The following BRWD3 variants were observed in gnomAD, a reference collection of about 807,000 sequenced individuals.
BRWD3 encodes bromodomain and WD repeat-containing protein 3.
In BRWD3, 10 loss-of-function variants were observed where a neutral mutation model predicts 149.7. The observed-to-expected ratio is 0.07, with a 90% CI of 0.04 to 0.11. The LOEUF is 0.11. Ranked by LOEUF, BRWD3 falls within the 10% of genes least tolerant of loss-of-function variation. The pLI, the probability that BRWD3 is intolerant of heterozygous loss-of-function variation, is 1.00. For missense variants in BRWD3, 940 were observed against 1,373.2 expected, an observed-to-expected ratio of 0.68 and a Z score of 4.99; for synonymous variants, 504 against 456.7, an observed-to-expected ratio of 1.10 and a Z score of -1.32.
intron 33 of BRWD3, among the ~76,000 whole-genome samples, chrX:80,688,652 T>C (rs756310556): frequency 1.5e-3 from 161 of 110,745 alleles, no homozygotes; most frequent in African/African-American, 5.0e-3. Context: ...TAATATGTAG[T>C]AGAAAATAAA....
intron 6 of BRWD3, among the ~76,000 whole-genome samples, chrX:80,776,519 C>T (rs1373340454): frequency 9.0e-6 from 1 of 111,343 alleles, no homozygotes; most frequent in African/African-American, 3.3e-5. Context: ...GTTAAAGAGT[C>T]AAAATCTATC....
rs2072310716 is a variant in BRWD3 at position 80,670,012 on chromosome X, TAAAA to T, written c.*6593_*6596del. On this transcript the variant is annotated 3_prime_UTR_variant, in exon 41 of 41. Transcript: ENST00000373275. Reference sequence around the variant, plus strand: ...GTTAAAACTAGATGTCTAGAATAATTAAAATTATAAGATTTTATAATTATAATTA... The same window carrying T: ...GTTAAAACTAGATGTCTAGAATAATTTTATAAGATTTTATAATTATAATTA... 9.0e-6 allele frequency among the ~76,000 whole-genome samples: 1 copy of T among 110,975 alleles called. No individual in the cohort carries two copies. Among genetic ancestry groups the T allele is most frequent in the Non-Finnish European group, 1.9e-5 (1 of 52,908 alleles).
At position 80,677,142 on chromosome X, in the gene BRWD3, C is replaced by T; in HGVS notation, c.4876G>A (p.Glu1626Lys). The change falls in exon 41 of 41, where the codon GAA becomes AAA. Residue 1626 changes from glutamate to lysine, a missense_variant. Glu to Lys is a moderately conservative substitution (Grantham distance 56). This residue lies in a region of BRWD3 where 349 missense variants were observed against 419.6 expected (regional missense o/e 0.83). Coordinates refer to ENST00000373275, the MANE Select transcript of BRWD3 (RefSeq NM_153252.5). ...ESTCGSDSDS[E>K]STSRTDQDYV... ...TCTTGATCTGTTCTGGAAGTTGATT[C>T]AGAGTCAGAGTCAGAACCACAGGTA... The T allele has an allele frequency of 8.3e-7, 1 of 1,211,410 alleles. No homozygotes were observed. Among genetic ancestry groups the T allele is most frequent in the Non-Finnish European group, 1.1e-6 (1 of 895,251 alleles).
chrX:80,719,449 G>C (rs774365997), intron 18 of BRWD3, 40 bp downstream of exon 18: 1 of 1,111,204 alleles, frequency 9.0e-7, no homozygotes, highest in South Asian at 1.9e-5. Context: ...AATAATTACA[G>C]TACATAAACT....
intron 17 of BRWD3, among the ~76,000 whole-genome samples, chrX:80,720,203 TA>T (rs201840669): frequency 9.0e-6 from 1 of 111,137 alleles, no homozygotes; most frequent in Non-Finnish European, 1.9e-5. Context: ...TTTTAATTAT[TA>T]AAAAAAATTG....
chrX:80,748,292 C>T (rs1193570564), intron 6 of BRWD3, among the ~76,000 whole-genome samples: 1 of 112,477 alleles, frequency 8.9e-6, no homozygotes, highest in African/African-American at 3.2e-5. Flanking sequence ...GGATTACAGG[C>T]ATGAGCCACT....
intron 18 of BRWD3, among the ~76,000 whole-genome samples, chrX:80,719,122 T>C (rs1156510601): frequency 9.0e-6 from 1 of 110,509 alleles, no homozygotes; most frequent in Non-Finnish European, 1.9e-5. Flanking sequence ...AAAAGAGGAA[T>C]TGGTAGTAAT....
chrX:80,745,533 CTA>C (rs768422628), intron 7 of BRWD3, 34 bp downstream of exon 7: 2 of 1,152,909 alleles, frequency 1.7e-6, no homozygotes, highest in African/African-American at 3.6e-5. Flanking sequence ...TGTTGTAATT[CTA>C]TATATGTTAC....
chrX:80,769,369 G>C (rs1226981958), intron 6 of BRWD3, among the ~76,000 whole-genome samples: 1 of 111,673 alleles, frequency 9.0e-6, no homozygotes, highest in African/African-American at 3.3e-5. Context: ...AAATGTAAAA[G>C]AACACAAATT....
intron 12 of BRWD3, among the ~76,000 whole-genome samples, chrX:80,732,223 G>A (rs760464054): frequency 4.5e-5 from 5 of 111,678 alleles, no homozygotes; most frequent in East Asian, 2.8e-4. Context: ...ATCCACTTCC[G>A]GTATACCAAG....
intron 24 of BRWD3, 21 bp from the exon 25 acceptor site, chrX:80,700,085 T>A (rs756983037): frequency 1.2e-4 from 133 of 1,113,917 alleles, no homozygotes; most frequent in Middle Eastern, 2.7e-4. Flanking sequence ...AAACATAAGG[T>A]ATTAAACAGC....
intron 9 of BRWD3, 150 bp from the exon 10 acceptor site, chrX:80,735,347 A>G (rs2073388329): frequency 6.3e-6 from 3 of 478,688 alleles, no homozygotes; most frequent in South Asian, 3.2e-5. Context: ...CTCATCAATT[A>G]GGTTAAAAAT....
chrX:80,809,804 A>AG lies in BRWD3; in HGVS notation c.-334_-333insC, dbSNP rs2074394543. ...GAGAGAGAGAGAGAGAGAGAGAGAG[A>AG]CGCGGGGGGTGGGGGGGCGGAGAGA... On this transcript the variant is annotated 5_prime_UTR_variant, in exon 1 of 41. Coordinates refer to ENST00000373275, the MANE Select transcript of BRWD3 (RefSeq NM_153252.5). 3.1e-5 allele frequency: 1 copy of AG among 32,494 alleles called. No individual in the cohort carries two copies. The highest frequency in any genetic ancestry group is 5.0e-5 in the Non-Finnish European group (1 of 19,881). 2.7% of individuals were successfully genotyped at this position (32,494 alleles called of 1,213,427 possible). A position where few individuals can be genotyped will look rare whatever the true frequency, so the allele number is the denominator to read the frequency against.
At chrX:80,773,849 C>G (rs1259314185) in intron 6 of BRWD3, among the ~76,000 whole-genome samples, 1 of 112,154 alleles carries the variant, frequency 8.9e-6, no homozygotes, top group Non-Finnish European at 1.9e-5. Context: ...TTTGTACTTT[C>G]CTTAAATCAC....
chrX:80,681,642 T>C, intron 39 of BRWD3, 143 bp from the exon 40 acceptor site: 2 of 537,587 alleles, frequency 3.7e-6, no homozygotes, highest in Admixed American at 3.5e-5. Flanking sequence ...TATGAATATT[T>C]TGAGAACAAA....
At chrX:80,689,886 C>A (rs374430034) in intron 32 of BRWD3, 40 bp from the exon 33 acceptor site, 33 of 1,163,018 alleles carry the variant, frequency 2.8e-5, no homozygotes. Flanking sequence ...GTAATTTTTA[C>A]AATTTTTCAA....
intron 4 of BRWD3, among the ~76,000 whole-genome samples, chrX:80,794,342 C>CA (rs1380478809): frequency 9.2e-6 from 1 of 108,143 alleles, no homozygotes; most frequent in African/African-American, 3.4e-5. Flanking sequence ...CCCATCTCTA[C>CA]AAAAAATACA....
At chrX:80,708,871 A>G (rs1256246004) in intron 21 of BRWD3, among the ~76,000 whole-genome samples, 1 of 111,615 alleles carries the variant, frequency 9.0e-6, no homozygotes. Flanking sequence ...ATATATTGTC[A>G]ATGCATGATT....
intron 17 of BRWD3, 152 bp downstream of exon 17, chrX:80,722,410 A>C: frequency 1.8e-6 from 1 of 551,676 alleles, no homozygotes; most frequent in Non-Finnish European, 3.0e-6. Context: ...TACTATGCTA[A>C]GGTAAAAACA....
Sources: gnomAD v4.1 joint callset for allele counts (sites outside exome capture counted in the v4.1 genomes callset) on GRCh38, gnomAD v4.1.1 for gene constraint, gnomAD v4.1.1 regional missense constraint, MANE v1.5 for transcripts, NCBI Gene and HGNC (gene_info 2026-07-23, HGNC 2026-07-21) for gene names.